The following SAMD5 variants were observed in gnomAD, a reference collection of about 807,000 sequenced individuals.
SAMD5 encodes sterile alpha motif domain containing 5, also known as sterile alpha motif domain-containing protein 5.
In SAMD5, 13 loss-of-function variants were observed where a neutral mutation model predicts 11.3. The observed-to-expected ratio is 1.15, with a 90% CI of 0.75 to 1.83. The LOEUF (loss-of-function observed/expected upper bound fraction) is 1.83, where lower values mean the gene tolerates loss of function less well. SAMD5 is among the 40% of genes most tolerant of loss of function. The pLI, the probability that SAMD5 is intolerant of heterozygous loss-of-function variation, is 0.00. For missense variants in SAMD5, 255 were observed against 239.1 expected, an observed-to-expected ratio of 1.07 and a Z score of -0.44; for synonymous variants, 129 against 111.3, an observed-to-expected ratio of 1.16 and a Z score of -1.00.
rs574905910 is a variant in SAMD5, at chr6:147,705,893, T to C, written c.163-31424T>C. 3.3e-5 allele frequency among the ~76,000 whole-genome samples: 5 copies of C among 152,344 alleles called. No individual in the cohort carries two copies. In the East Asian group the frequency reaches 9.6e-4, roughly 29 times the overall value. The stretch of plus-strand genomic sequence containing the variant: ...ACTGTTTGAGGACAACACTATAGTT[T>C]CCAACAATAAGGATCCATTGTTAGG... On this transcript the variant is annotated intron_variant, in intron 1 of 1. Transcript: ENST00000566741.
At chr6:147,892,055 G>A in the SAMD5 span, among the ~76,000 whole-genome samples, 3 of 152,176 alleles carry the variant, frequency 2.0e-5, no homozygotes, top group East Asian at 1.9e-4. Flanking sequence ...GCCTTAGGCC[G>A]ACAATGCTGG....
the SAMD5 span, among the ~76,000 whole-genome samples, chr6:147,751,250 C>T: frequency 6.6e-6 from 1 of 152,168 alleles, no homozygotes; most frequent in Admixed American, 6.5e-5. Context: ...CTCCCCCTTG[C>T]TCTACAATAC....
Position 147,564,943 on chromosome 6 carries a change from A to G in SAMD5, c.*487A>G. 1.2e-6 allele frequency: 1 copy of G among 819,762 alleles called. No individual in the cohort carries two copies. Among genetic ancestry groups the G allele is most frequent in the Non-Finnish European group, 1.5e-6 (1 of 680,006 alleles). The allele number at this position is 819,762 out of a possible 1,614,324, so 50.8% of individuals were successfully genotyped here. Reference sequence around the variant, plus strand: ...ATTCTACTTCATTTCATATAGGACCATGTTTTTATAAGATAAGATACATAA... The same window carrying G: ...ATTCTACTTCATTTCATATAGGACCGTGTTTTTATAAGATAAGATACATAA... On this transcript the variant is annotated 3_prime_UTR_variant, in exon 2 of 2. Coordinates refer to ENST00000367474, the MANE Select transcript of SAMD5 (RefSeq NM_001030060.3).
At chr6:147,642,209 A>C (rs1790322525) in intron 1 of SAMD5, among the ~76,000 whole-genome samples, 1 of 152,206 alleles carries the variant, frequency 6.6e-6, no homozygotes, top group Non-Finnish European at 1.5e-5. Flanking sequence ...CTGTTTTAAG[A>C]AGTCCATTTC....
the SAMD5 span, among the ~76,000 whole-genome samples, chr6:147,865,335 T>A: frequency 1.1e-5 from 1 of 95,140 alleles, no homozygotes; most frequent in Middle Eastern, 4.4e-3. Flanking sequence ...TGTGTGTGTG[T>A]GTGTGTGTGT....
intron 1 of SAMD5, among the ~76,000 whole-genome samples, chr6:147,728,792 A>T (rs1791666021): frequency 6.6e-6 from 1 of 152,204 alleles, no homozygotes; most frequent in South Asian, 2.1e-4. Context: ...CTGTAAAAGG[A>T]TTGTAGCAAA....
intron 1 of SAMD5, among the ~76,000 whole-genome samples, chr6:147,586,246 G>A (rs1398728898): frequency 2.0e-5 from 3 of 152,116 alleles, no homozygotes; most frequent in East Asian, 3.8e-4. Flanking sequence ...TTCAATTACG[G>A]GCAAACTGCC....
chr6:147,851,938 G>A, the SAMD5 span, among the ~76,000 whole-genome samples: 1 of 152,006 alleles, frequency 6.6e-6, no homozygotes, highest in South Asian at 2.1e-4. Context: ...CAATACATAG[G>A]TGCTTTTCTA....
At chr6:147,603,668 A>G (rs1164471486) in intron 1 of SAMD5, among the ~76,000 whole-genome samples, 1 of 152,170 alleles carries the variant, frequency 6.6e-6, no homozygotes, top group Non-Finnish European at 1.5e-5. Context: ...CAAGTCTGGA[A>G]CACAGGTTTC....
intron 1 of SAMD5, among the ~76,000 whole-genome samples, chr6:147,630,513 T>A (rs1335089699): frequency 6.6e-6 from 1 of 152,078 alleles, no homozygotes; most frequent in Non-Finnish European, 1.5e-5. Flanking sequence ...TCCTGGCTCA[T>A]CCTGACTCAA....
At chr6:147,632,290 T>C (rs1462083449) in intron 1 of SAMD5, among the ~76,000 whole-genome samples, 1 of 152,150 alleles carries the variant, frequency 6.6e-6, no homozygotes, top group Non-Finnish European at 1.5e-5. Context: ...GACCCTTGCA[T>C]AGTGAGGAAA....
the SAMD5 span, among the ~76,000 whole-genome samples, chr6:147,885,397 A>C: frequency 1.3e-5 from 2 of 152,218 alleles, no homozygotes; most frequent in African/African-American, 4.8e-5. Flanking sequence ...AAGTTTTATC[A>C]TCTAATTTTG....
At chr6:147,718,185 C>T (rs148179244) in intron 1 of SAMD5, among the ~76,000 whole-genome samples, 62 of 152,190 alleles carry the variant, frequency 4.1e-4, no homozygotes, top group African/African-American at 1.4e-3. Flanking sequence ...ACCAGGGTAT[C>T]GTTTAGTACA....
intron 1 of SAMD5, among the ~76,000 whole-genome samples, chr6:147,541,192 C>T (rs554479955): frequency 4.2e-4 from 64 of 151,998 alleles, no homozygotes; most frequent in Non-Finnish European, 6.9e-4. Flanking sequence ...TCAAGTGATC[C>T]GCCAGCCTCA....
At chr6:147,942,206 C>T in the SAMD5 span, among the ~76,000 whole-genome samples, 2 of 152,062 alleles carry the variant, frequency 1.3e-5, 1 homozygote, top group African/African-American at 4.8e-5. Flanking sequence ...GGCACATTTA[C>T]TAATAGATGG....
intron 1 of SAMD5, among the ~76,000 whole-genome samples, chr6:147,633,693 CTTT>C (rs201030758): frequency 1.7e-4 from 23 of 139,372 alleles, no homozygotes; most frequent in African/African-American, 1.6e-4. Flanking sequence ...TCAGATAATG[CTTT>C]TTTTTTTTTT....
the SAMD5 span, among the ~76,000 whole-genome samples, chr6:147,799,541 T>C: frequency 2.0e-5 from 3 of 151,618 alleles, no homozygotes; most frequent in South Asian, 6.3e-4. Context: ...CTGACAATTA[T>C]GTGTCTTGGA....
chr6:147,547,149 C>T (rs936693674), intron 1 of SAMD5, among the ~76,000 whole-genome samples: 1 of 152,204 alleles, frequency 6.6e-6, no homozygotes. Flanking sequence ...AGCTGTTTAA[C>T]AGAACACCTC....
At chr6:147,600,925 G>A (rs1298400460) in intron 1 of SAMD5, among the ~76,000 whole-genome samples, 1 of 152,178 alleles carries the variant, frequency 6.6e-6, no homozygotes, top group Non-Finnish European at 1.5e-5. Flanking sequence ...AGTGCACCAG[G>A]CAATATGGAG....
Sources: allele counts gnomAD v4.1 joint callset (sites outside exome capture counted in the v4.1 genomes callset), GRCh38; gene constraint gnomAD v4.1.1; transcripts MANE v1.5; gene names NCBI Gene and HGNC (gene_info 2026-07-23, HGNC 2026-07-21).